Variants in SLC35F3 observed in about 807,000 individuals in gnomAD.
SLC35F3 encodes the protein putative thiamine transporter SLC35F3.
SLC35F3 carries 25 observed loss-of-function variants against 49.9 expected under a neutral mutation model. That is an observed-to-expected ratio of 0.50 (90% CI 0.37 to 0.70). SLC35F3 has a LOEUF of 0.70. Ranked by LOEUF, SLC35F3 falls within the 30% of genes least tolerant of loss-of-function variation. The pLI is 0.00. For synonymous variants in SLC35F3, 275 were observed against 265.4 expected (o/e 1.04, Z -0.35); for missense variants, 525 against 639.8 (o/e 0.82, Z 1.94).
intron 2 of SLC35F3, among the ~76,000 whole-genome samples, chr1:234,215,615 C>T (rs1385158190): frequency 6.6e-6 from 1 of 152,232 alleles, no homozygotes; most frequent in African/African-American, 2.4e-5. Context: ...CTGGCTTCTG[C>T]CCTTCCCAGG....
At chr1:234,080,463 A>T (rs954915566) in intron 2 of SLC35F3, among the ~76,000 whole-genome samples, 1 of 152,224 alleles carries the variant, frequency 6.6e-6, no homozygotes, top group Non-Finnish European at 1.5e-5. Context: ...ATTCATTATT[A>T]TAGCTAAAAT....
chr1:234,282,002 A>G (rs1668334683), intron 3 of SLC35F3, among the ~76,000 whole-genome samples: 1 of 151,726 alleles, frequency 6.6e-6, no homozygotes, highest in Non-Finnish European at 1.5e-5. Flanking sequence ...CAAAGCACGC[A>G]TGTCCCCTGG....
chr1:233,986,068 T>G (rs1663262062), intron 2 of SLC35F3, among the ~76,000 whole-genome samples: 1 of 152,280 alleles, frequency 6.6e-6, no homozygotes, highest in South Asian at 2.1e-4. Flanking sequence ...AAATGTGTAT[T>G]ATAACAATAG....
chr1:234,244,671 G>C (rs1314302810), intron 3 of SLC35F3, among the ~76,000 whole-genome samples: 1 of 151,660 alleles, frequency 6.6e-6, no homozygotes, highest in East Asian at 1.9e-4. Flanking sequence ...ACTAGCAGAG[G>C]GGAAGTTCCA....
At chr1:234,230,317 C>G (rs1667348052) in intron 2 of SLC35F3, among the ~76,000 whole-genome samples, 1 of 152,172 alleles carries the variant, frequency 6.6e-6, no homozygotes, top group Non-Finnish European at 1.5e-5. Flanking sequence ...ATATACAAAA[C>G]TCAGTTTGTT....
At chr1:234,093,301 A>G (rs929615041) in intron 2 of SLC35F3, among the ~76,000 whole-genome samples, 1 of 152,226 alleles carries the variant, frequency 6.6e-6, no homozygotes, top group Non-Finnish European at 1.5e-5. Context: ...ACTCCCAGAT[A>G]ACTTTTCTGA....
At chr1:234,043,857 A>G (rs954897268) in intron 2 of SLC35F3, among the ~76,000 whole-genome samples, 11 of 152,166 alleles carry the variant, frequency 7.2e-5, no homozygotes, top group African/African-American at 2.4e-4. Context: ...TTCCAACATG[A>G]GCTCAAATTA....
chr1:234,069,142 T>C (rs1664674598), intron 2 of SLC35F3, among the ~76,000 whole-genome samples: 1 of 132,034 alleles, frequency 7.6e-6, no homozygotes, highest in Non-Finnish European at 1.6e-5. Flanking sequence ...ATATAATATA[T>C]AATATATTTA....
chr1:234,110,391 C>T (rs1258023568), intron 2 of SLC35F3, among the ~76,000 whole-genome samples: 1 of 152,210 alleles, frequency 6.6e-6, no homozygotes, highest in Non-Finnish European at 1.5e-5. Context: ...GAGGCACTAA[C>T]TGGAATGGCA....
chr1:234,009,570 C>G (rs370911191), intron 2 of SLC35F3, among the ~76,000 whole-genome samples: 1 of 152,194 alleles, frequency 6.6e-6, no homozygotes, highest in South Asian at 2.1e-4. Context: ...TAATGTACCT[C>G]CCAACCACCC....
chr1:234,002,384 T>G (rs998999365), intron 2 of SLC35F3, among the ~76,000 whole-genome samples: 1 of 152,124 alleles, frequency 6.6e-6, no homozygotes, highest in African/African-American at 2.4e-5. Context: ...TCCCCTTAGA[T>G]TCCTCTGAGC....
chr1:234,170,713 C>T (rs1666388753), intron 2 of SLC35F3, among the ~76,000 whole-genome samples: 2 of 152,160 alleles, frequency 1.3e-5, no homozygotes, highest in Non-Finnish European at 2.9e-5. Context: ...AGATTTGGTC[C>T]TCAAACAGCA....
At chr1:234,256,565 C>G (rs554096286) in intron 3 of SLC35F3, among the ~76,000 whole-genome samples, 1 of 152,314 alleles carries the variant, frequency 6.6e-6, no homozygotes, top group South Asian at 2.1e-4. Context: ...ACAAAACAAC[C>G]AACCAGCATT....
At position 234,264,120 on chromosome 1, in the gene SLC35F3, C is replaced by CA. The variant is rs376377412; in HGVS notation, c.608+32385dup. ...CAAAACTCTGTCTTAACAACAACAA[C>CA]AAAAAATGCCATAAATTGGGAGGAA... On this transcript the variant is annotated intron_variant, in intron 3 of 7. Coordinates refer to ENST00000366618, the MANE Select transcript of SLC35F3 (RefSeq NM_173508.4). Among the ~76,000 whole-genome samples the CA allele has an allele frequency of 4.1e-3, 619 of 152,120 alleles. 8 individuals are homozygous for CA. Among genetic ancestry groups the CA allele is most frequent in the African/African-American group, 0.014 (584 of 41,496 alleles).
chr1:234,191,625 A>T (rs1407885201), intron 2 of SLC35F3, among the ~76,000 whole-genome samples: 2 of 151,740 alleles, frequency 1.3e-5, no homozygotes, highest in East Asian at 3.9e-4. Flanking sequence ...AATTGAAACA[A>T]CAACAAAAAA....
At chr1:233,974,501 A>G (rs1663047388) in intron 2 of SLC35F3, among the ~76,000 whole-genome samples, 1 of 152,198 alleles carries the variant, frequency 6.6e-6, no homozygotes, top group Admixed American at 6.5e-5. Flanking sequence ...CTCTAATAAA[A>G]CTAATTTGAG....
intron 3 of SLC35F3, among the ~76,000 whole-genome samples, chr1:234,299,579 G>A (rs1426681016): frequency 3.3e-5 from 5 of 152,080 alleles, no homozygotes. Flanking sequence ...GCCAAGACGG[G>A]CAGATCATGA....
chr1:234,222,421 A>G (rs777549955), intron 2 of SLC35F3, among the ~76,000 whole-genome samples: 1 of 152,216 alleles, frequency 6.6e-6, no homozygotes, highest in Non-Finnish European at 1.5e-5. Context: ...GACTCTGCTG[A>G]GAACTGGAGT....
chr1:234,225,822 T>C (rs192709368), intron 2 of SLC35F3, among the ~76,000 whole-genome samples: 48 of 152,322 alleles, frequency 3.2e-4, no homozygotes, highest in Non-Finnish European at 5.7e-4. Flanking sequence ...ATTTGGTATA[T>C]CCATACAATG....
Sources: allele counts gnomAD v4.1 joint callset (sites outside exome capture counted in the v4.1 genomes callset), GRCh38; gene constraint gnomAD v4.1.1; transcripts MANE v1.5; gene names NCBI Gene and HGNC (gene_info 2026-07-23, HGNC 2026-07-21).